CDKL4: variants seen among roughly 807,000 people sequenced by gnomAD.
CDKL4 encodes the protein cyclin-dependent kinase-like 4.
A neutral mutation model predicts 42.0 loss-of-function variants in CDKL4; 44 were observed. The ratio of observed to expected loss-of-function variants is 1.05; its 90% CI spans 0.82 to 1.35. The LOEUF (loss-of-function observed/expected upper bound fraction) is 1.35. Among genes scored for constraint, CDKL4 ranks in the 40% most tolerant of loss-of-function variants. CDKL4 has a pLI of 0.00. For synonymous variants in CDKL4, 120 were observed against 121.6 expected (o/e 0.99, Z 0.09); for missense variants, 393 against 369.9 (o/e 1.06, Z -0.51).
At chr2:39,214,819 G>A (rs1402844721) in intron 3 of CDKL4, among the ~76,000 whole-genome samples, 1 of 152,200 alleles carries the variant, frequency 6.6e-6, no homozygotes, top group African/African-American at 2.4e-5. Flanking sequence ...AAGAATGAGA[G>A]GGTGTAAGCT....
intron 1 of CDKL4, among the ~76,000 whole-genome samples, chr2:39,232,639 C>A (rs752654228): frequency 8.5e-5 from 13 of 152,180 alleles, no homozygotes; most frequent in Non-Finnish European, 1.6e-4. Flanking sequence ...TAAACCTAAT[C>A]TCCTCATACA....
At chr2:39,177,161 G>A (rs1333519544) in intron 9 of CDKL4, among the ~76,000 whole-genome samples, 1 of 152,128 alleles carries the variant, frequency 6.6e-6, no homozygotes, top group Non-Finnish European at 1.5e-5. Flanking sequence ...GGAAGGCCTT[G>A]TTCACAGTCC....
At position 39,225,503 on chromosome 2, in the gene CDKL4, T is replaced by G. The variant is rs188444459; in HGVS notation, c.290+336A>C. On this transcript the variant is annotated intron_variant, in intron 3 of 9. Coordinates refer to ENST00000451199, the Ensembl canonical transcript of CDKL4. ...TCAACATTTCAAATTTTCAAATTTA[T>G]CAATCGTACATTTTTTTATCTTATT... Among the ~76,000 whole-genome samples the G allele has an allele frequency of 4.6e-5, 7 of 152,328 alleles. No homozygotes were observed. In the East Asian group the frequency reaches 1.3e-3, roughly 29 times the overall value.
chr2:39,206,532 C>T (rs1315872806), intron 4 of CDKL4, among the ~76,000 whole-genome samples: 1 of 152,172 alleles, frequency 6.6e-6, no homozygotes, highest in South Asian at 2.1e-4. Context: ...CATGGGCATT[C>T]CAGAAATGGG....
intron 8 of CDKL4, 49 bp downstream of exon 8, chr2:39,184,542 A>G (rs1171891916): frequency 3.0e-6 from 4 of 1,337,848 alleles, no homozygotes; most frequent in Non-Finnish European, 4.3e-6. Flanking sequence ...TACCAGCTTC[A>G]GTCATTACAA....
chr2:39,229,129 T>C (rs1195446766), intron 2 of CDKL4, among the ~76,000 whole-genome samples: 3 of 152,188 alleles, frequency 2.0e-5, no homozygotes, highest in Admixed American at 1.3e-4. Flanking sequence ...GGACTTAGGA[T>C]ATTTACTAAC....
At chr2:39,238,456 T>G (rs1360557736) in intron 1 of CDKL4, among the ~76,000 whole-genome samples, 1 of 152,046 alleles carries the variant, frequency 6.6e-6, no homozygotes, top group Non-Finnish European at 1.5e-5. Flanking sequence ...TGAACAAAAT[T>G]AAACAAAATT....
chr2:39,216,085 C>G (rs953606231), intron 3 of CDKL4, among the ~76,000 whole-genome samples: 3 of 152,210 alleles, frequency 2.0e-5, no homozygotes, highest in Admixed American at 6.5e-5. Flanking sequence ...AGATATGCTG[C>G]TTCCTACTTT....
At chr2:39,232,505 C>A (rs575756817) in intron 1 of CDKL4, among the ~76,000 whole-genome samples, 2 of 152,300 alleles carry the variant, frequency 1.3e-5, no homozygotes, top group Admixed American at 6.5e-5. Flanking sequence ...CAAATGCCTT[C>A]TCTTCTTTCT....
intron 3 of CDKL4, among the ~76,000 whole-genome samples, chr2:39,217,157 G>A (rs564593218): frequency 3.3e-5 from 5 of 152,324 alleles, no homozygotes; most frequent in South Asian, 2.1e-4. Flanking sequence ...GCATCTTGGA[G>A]CAAAATGAAC....
chr2:39,187,865 C>T (rs369630765), intron 6 of CDKL4, among the ~76,000 whole-genome samples, 156 bp from the exon 7 acceptor site: 5 of 152,024 alleles, frequency 3.3e-5, no homozygotes, highest in East Asian at 1.9e-4. Context: ...GTCAAGAGTT[C>T]GAGACCAGCC....
chr2:39,192,758 T>C (rs1032540220), intron 5 of CDKL4, among the ~76,000 whole-genome samples: 24 of 152,094 alleles, frequency 1.6e-4, no homozygotes, highest in African/African-American at 5.6e-4. Context: ...CCCCAAATTT[T>C]CCAATATTTT....
intron 3 of CDKL4, among the ~76,000 whole-genome samples, chr2:39,224,498 ATTTTTTTT>A (rs1171458286): frequency 7.5e-6 from 1 of 132,626 alleles, no homozygotes; most frequent in Admixed American, 7.6e-5. Flanking sequence ...TTCTCCACTA[ATTTTTTTT>A]TTTTTTTTTT....
intron 3 of CDKL4, among the ~76,000 whole-genome samples, chr2:39,221,325 T>C (rs1678355880): frequency 6.6e-6 from 1 of 152,138 alleles, no homozygotes; most frequent in African/African-American, 2.4e-5. Context: ...ACATTGATGA[T>C]CTTATGCCCA....
chr2:39,168,709 T>C, the CDKL4 span, among the ~76,000 whole-genome samples: 1 of 132,386 alleles, frequency 7.6e-6, no homozygotes, highest in Non-Finnish European at 1.6e-5. Context: ...AAACTCCATC[T>C]AAAAAAAAAA....
At chr2:39,194,299 A>T (rs1380767957) in intron 5 of CDKL4, among the ~76,000 whole-genome samples, 2 of 152,208 alleles carry the variant, frequency 1.3e-5, no homozygotes, top group Non-Finnish European at 2.9e-5. Context: ...TCTACCAAAA[A>T]TACAAAAATT....
chr2:39,205,982 C>T lies in CDKL4; in HGVS notation c.364-1365G>A, dbSNP rs533078209. Among the ~76,000 whole-genome samples the T allele has an allele frequency of 6.6e-5, 10 of 152,120 alleles. No homozygotes were observed. The South Asian group carries it at 1.7e-3, about 25-fold the overall frequency. Reference sequence around the variant, plus strand: ...TCAGCAACACTCCTGAGACGGCCCACGATGCTGTCAGAATCCATACTGGGA... The same window carrying T: ...TCAGCAACACTCCTGAGACGGCCCATGATGCTGTCAGAATCCATACTGGGA... On this transcript the variant is annotated intron_variant, in intron 4 of 9. Transcript: ENST00000451199.
At chr2:39,229,765 A>C (rs1180479873) in intron 1 of CDKL4, among the ~76,000 whole-genome samples, 177 bp from the exon 2 acceptor site, 1 of 152,244 alleles carries the variant, frequency 6.6e-6, no homozygotes, top group African/African-American at 2.4e-5. Flanking sequence ...CAGCTCTTCC[A>C]GCTATCAAAA....
intron 1 of CDKL4, among the ~76,000 whole-genome samples, chr2:39,234,827 G>C (rs1679278571): frequency 6.6e-6 from 1 of 152,018 alleles, no homozygotes; most frequent in South Asian, 2.1e-4. Context: ...TGAAAATCAA[G>C]GATTTTATAT....
Sources: allele counts gnomAD v4.1 joint callset (sites outside exome capture counted in the v4.1 genomes callset), GRCh38; gene constraint gnomAD v4.1.1; transcripts MANE v1.5; gene names NCBI Gene and HGNC (gene_info 2026-07-23, HGNC 2026-07-21).